Variants in IL4I1 observed in about 807,000 individuals in gnomAD.
The protein encoded by IL4I1 is interleukin 4 induced 1.
A neutral mutation model predicts 29.7 loss-of-function variants in IL4I1; 24 were observed. The observed-to-expected ratio is 0.81, with a 90% confidence interval of 0.59 to 1.14. The LOEUF (loss-of-function observed/expected upper bound fraction) is 1.14. Among genes scored for constraint, IL4I1 ranks in the 50% most tolerant of loss-of-function variants. The pLI is 0.00. For synonymous variants in IL4I1, 371 were observed against 352.5 expected, an observed-to-expected ratio of 1.05 and a Z score of -0.59; for missense variants, 686 against 785.6, an observed-to-expected ratio of 0.87 and a Z score of 1.52.
Position 49,907,994 on chromosome 19 carries a change from G to C in IL4I1, c.-227-3673C>G. 9.3e-6 allele frequency: 7 copies of C among 750,164 alleles called. No individual in the cohort carries two copies. The East Asian group carries it at 2.0e-4, about 21-fold the overall frequency. The allele number at this position is 750,164 out of a possible 1,614,324, so 46.5% of individuals were successfully genotyped here. A position where few individuals can be genotyped will look rare whatever the true frequency, so the allele number is the denominator to read the frequency against. On this transcript the variant is annotated intron_variant, in intron 2 of 9. Coordinates refer to the IL4I1 transcript ENST00000341114. ...GGTGGGTGGTCGCAGTAGGTGAAAA[G>C]GGGCCAAAGATACTCAAATGAAAGC...
At chr19:49,924,485 G>T (rs1209050636) in intron 2 of IL4I1, among the ~76,000 whole-genome samples, 2 of 152,088 alleles carry the variant, frequency 1.3e-5, no homozygotes, top group Non-Finnish European at 2.9e-5. Flanking sequence ...CAGGGCTGAT[G>T]CAACCTGCCT....
Position 49,925,202 on chromosome 19 carries a change from G to T in IL4I1, c.-228+2492C>A, listed in dbSNP as rs536242134. Among the ~76,000 whole-genome samples the T allele has an allele frequency of 1.0e-3, 155 of 152,070 alleles. 2 individuals carry two copies. The highest frequency in any genetic ancestry group is 3.6e-3 in the African/African-American group (151 of 41,474). On this transcript the variant is annotated intron_variant, in intron 2 of 9. Transcript: ENST00000341114. ...CTTGAACCCAGGAGGCAGAGGTTGC[G>T]GTGAGCCGAGATGGCACCATTGCAC...
intron 2 of IL4I1, among the ~76,000 whole-genome samples, chr19:49,927,273 T>A (rs2075920673): frequency 1.3e-5 from 2 of 152,136 alleles, no homozygotes; most frequent in Admixed American, 1.3e-4. Flanking sequence ...AGTTTTGAAC[T>A]CATATAATCT....
intron 2 of IL4I1, among the ~76,000 whole-genome samples, chr19:49,923,793 C>CAGAAGTG (rs1449227738): frequency 6.6e-6 from 1 of 152,226 alleles, no homozygotes; most frequent in Non-Finnish European, 1.5e-5. Flanking sequence ...CTGAGGGTCA[C>CAGAAGTG]AGAAGTGGTG....
At chr19:49,900,048 C>T (rs1186693915), upstream of IL4I1, among the ~76,000 whole-genome samples, 1 of 152,040 alleles carries the variant, frequency 6.6e-6, no homozygotes, top group African/African-American at 2.4e-5. Flanking sequence ...TGTTGCCCAG[C>T]CTGGTCTCAA....
chr19:49,926,140 C>T (rs894700302), intron 2 of IL4I1, among the ~76,000 whole-genome samples: 5 of 129,052 alleles, frequency 3.9e-5, no homozygotes, highest in Non-Finnish European at 7.8e-5. Context: ...ACCTGGGAGG[C>T]GGTGGTTGCA....
chr19:49,914,028 G>A (rs891694173), intron 2 of IL4I1, among the ~76,000 whole-genome samples: 8 of 152,086 alleles, frequency 5.3e-5, no homozygotes, highest in African/African-American at 1.2e-4. Flanking sequence ...TGTTAAATTT[G>A]CACCAAAACC....
intron 2 of IL4I1, chr19:49,909,009 T>A (rs764794966): frequency 3.8e-5 from 62 of 1,611,468 alleles, no homozygotes; most frequent in Non-Finnish European, 5.1e-5. Context: ...GTTGTGGAGG[T>A]GCCGGAAGCT....
chr19:49,901,735 A>AT, upstream of IL4I1: 1 of 1,511,514 alleles, frequency 6.6e-7, no homozygotes, highest in Non-Finnish European at 8.9e-7. Flanking sequence ...ATCAAGGTGA[A>AT]TGATGGTGGC....
upstream of IL4I1, among the ~76,000 whole-genome samples, chr19:49,899,556 T>G (rs1240298819): frequency 1.3e-5 from 2 of 150,524 alleles, no homozygotes; most frequent in Non-Finnish European, 1.5e-5. Flanking sequence ...GTTTTTTGTT[T>G]TTTTTGTTTT....
At chr19:49,918,602 A>G (rs758868854) in intron 2 of IL4I1, 2 of 152,248 alleles carry the variant, frequency 1.3e-5, no homozygotes, top group African/African-American at 2.4e-5. Context: ...CTACAGGCAT[A>G]ACCGACTTGC....
At chr19:49,922,928 A>G (rs1600553574) in intron 2 of IL4I1, among the ~76,000 whole-genome samples, 2 of 151,992 alleles carry the variant, frequency 1.3e-5, no homozygotes, top group African/African-American at 4.8e-5. Flanking sequence ...ACACTGCCCC[A>G]AGGTAGTTCT....
chr19:49,908,487 C>A (rs372597263), intron 2 of IL4I1: 6 of 1,614,126 alleles, frequency 3.7e-6, no homozygotes, highest in Non-Finnish European at 4.2e-6. Flanking sequence ...AGCTGTGCAT[C>A]GATGTTCTCA....
rs2075130781 is a variant in IL4I1 at position 49,890,983 on chromosome 19, C to T, written c.761G>A (p.Ser254Asn). The T allele has an allele frequency of 7.5e-7, 1 of 1,338,804 alleles. No homozygotes were observed. The highest frequency in any genetic ancestry group is 9.9e-7 in the Non-Finnish European group (1 of 1,006,018). 82.9% of individuals were successfully genotyped at this position (1,338,804 alleles called of 1,614,324 possible). The change falls in exon 7 of 8, where the codon AGC becomes AAC. Residue 254 changes from serine (S) to asparagine (N), a missense_variant. By Grantham distance (46) the Ser-to-Asn change is conservative (BLOSUM62 1). Coordinates refer to ENST00000391826, the MANE Select transcript of IL4I1 (RefSeq NM_152899.2). ...AEALRAHSCLSDRLQYSRIVG... is the reference protein window; with the variant it reads ...AEALRAHSCLNDRLQYSRIVG... ...CCCCGCCCCTTACTGGAGTCTGTCG[C>T]TGAGGCAGCTGTGGGCCCGGAGGGC...
At position 49,890,982 on chromosome 19, in the gene IL4I1, G is replaced by T. The variant is rs1256463842; in HGVS notation, c.762C>A (p.Ser254Arg). ...AEALRAHSCL[S>R]DRLQYSRIVG... ...GCCCCGCCCCTTACTGGAGTCTGTC[G>T]CTGAGGCAGCTGTGGGCCCGGAGGG... Residue 254 changes from serine to arginine, a missense_variant, in exon 7 of 8, where the codon AGC (serine) becomes AGA (arginine). Physicochemically the swap from Ser to Arg is moderately radical, Grantham distance 110 (BLOSUM62 -1). Coordinates refer to ENST00000391826, the MANE Select transcript of IL4I1 (RefSeq NM_152899.2). The T allele has an allele frequency of 3.8e-5, 59 of 1,566,126 alleles. No homozygotes were observed. Among genetic ancestry groups the T allele is most frequent in the Non-Finnish European group, 4.9e-5 (57 of 1,160,562 alleles).
chr19:49,896,778 GTC>G, intron 1 of IL4I1, 55 bp downstream of exon 1: 2 of 950,014 alleles, frequency 2.1e-6, no homozygotes, highest in Non-Finnish European at 1.3e-6. Flanking sequence ...CTGCTTCTCA[GTC>G]CCTATTTCTG....
intron 2 of IL4I1, among the ~76,000 whole-genome samples, chr19:49,922,059 A>G (rs1391156859): frequency 6.6e-6 from 1 of 152,156 alleles, no homozygotes; most frequent in Non-Finnish European, 1.5e-5. Context: ...AGACAACATG[A>G]TGTCCAAACC....
chr19:49,890,937 C>CCCCCCCCCCCCCCCCCCCG, intron 7 of IL4I1, 34 bp downstream of exon 7: 1 of 160,026 alleles, frequency 6.2e-6, no homozygotes, highest in South Asian at 6.4e-5. Context: ...TTGCCCCCCG[C>CCCCCCCCCCCCCCCCCCCG]CCCCCCCCCC....
chr19:49,892,834 G>C (rs544232332), intron 5 of IL4I1, among the ~76,000 whole-genome samples: 6 of 152,298 alleles, frequency 3.9e-5, no homozygotes, highest in East Asian at 1.9e-4. Context: ...TCTAGAAGGG[G>C]AGATGGGCAA....
Sources: gnomAD v4.1 joint callset for allele counts (sites outside exome capture counted in the v4.1 genomes callset) on GRCh38, gnomAD v4.1.1 for gene constraint, MANE v1.5 for transcripts, NCBI Gene and HGNC (gene_info 2026-07-23, HGNC 2026-07-21) for gene names.